Variants in SPAG16 observed in about 807,000 individuals in gnomAD.
SPAG16 encodes sperm associated antigen 16.
In SPAG16, 86 loss-of-function variants were observed where a neutral mutation model predicts 80.4. The observed-to-expected ratio is 1.07, with a 90% CI of 0.90 to 1.28. The LOEUF (loss-of-function observed/expected upper bound fraction) is 1.28, where lower values mean the gene tolerates loss of function less well. Ranked by LOEUF, SPAG16 falls within the 50% of genes most tolerant of loss-of-function variation. The pLI is 0.00. For synonymous variants in SPAG16, 294 were observed against 265.9 expected (o/e 1.11, Z -1.03); for missense variants, 870 against 765.3 (o/e 1.14, Z -1.61).
intron 10 of SPAG16, among the ~76,000 whole-genome samples, chr2:213,533,545 C>T (rs538430287): frequency 2.6e-5 from 4 of 152,176 alleles, no homozygotes; most frequent in South Asian, 2.1e-4. Flanking sequence ...TGTTGTGAAC[C>T]GAATGGTACC....
At chr2:213,590,899 C>T (rs1170958248) in intron 10 of SPAG16, among the ~76,000 whole-genome samples, 1 of 152,126 alleles carries the variant, frequency 6.6e-6, no homozygotes, top group Non-Finnish European at 1.5e-5. Flanking sequence ...GGAATCAACT[C>T]AGCTACTCAT....
chr2:213,306,831 G>A (rs1273773086), intron 3 of SPAG16, among the ~76,000 whole-genome samples: 1 of 152,196 alleles, frequency 6.6e-6, no homozygotes, highest in Non-Finnish European at 1.5e-5. Context: ...AGGGGATGGG[G>A]GAGGTGTGGT....
At chr2:213,817,501 A>G (rs989754434) in intron 10 of SPAG16, among the ~76,000 whole-genome samples, 1 of 152,002 alleles carries the variant, frequency 6.6e-6, no homozygotes, top group African/African-American at 2.4e-5. Flanking sequence ...AAGGAAAATA[A>G]ACTGTTCTAC....
intron 14 of SPAG16, among the ~76,000 whole-genome samples, chr2:214,131,651 A>G (rs1447246636): frequency 6.6e-6 from 1 of 152,120 alleles, no homozygotes; most frequent in African/African-American, 2.4e-5. Flanking sequence ...CTATTAAGCC[A>G]TGAAAAGAGA....
At chr2:213,852,649 G>T (rs2074965126) in intron 10 of SPAG16, among the ~76,000 whole-genome samples, 1 of 152,128 alleles carries the variant, frequency 6.6e-6, no homozygotes, top group South Asian at 2.1e-4. Flanking sequence ...TCTGGTCTCA[G>T]CTAGGAGGTC....
At chr2:213,959,879 A>G (rs2044328863) in intron 12 of SPAG16, among the ~76,000 whole-genome samples, 1 of 152,176 alleles carries the variant, frequency 6.6e-6, no homozygotes, top group Non-Finnish European at 1.5e-5. Context: ...TTGGTTTATG[A>G]GTGCTCTCCA....
intron 12 of SPAG16, among the ~76,000 whole-genome samples, chr2:213,973,034 G>A (rs569867165): frequency 6.6e-6 from 1 of 152,260 alleles, no homozygotes; most frequent in Non-Finnish European, 1.5e-5. Flanking sequence ...TTAATTCTGT[G>A]CTGGGTCACT....
At chr2:213,855,774 C>G (rs141806737) in intron 10 of SPAG16, among the ~76,000 whole-genome samples, 2,174 of 152,242 alleles carry the variant, frequency 0.014, 23 homozygotes, top group Middle Eastern at 0.027. Flanking sequence ...TTACTGTCAT[C>G]AGAACAACAT....
At position 214,401,083 on chromosome 2, in the gene SPAG16, A is replaced by G. The variant is rs1423102303; in HGVS notation, c.1721-9057A>G. On this transcript the variant is annotated intron_variant, in intron 15 of 15. Transcript: ENST00000331683. ...GAAATGCATTGATCAGCAGTAAGGT[A>G]CAAAATAAACTAAATCACATTTCAT... Among the ~76,000 whole-genome samples the G allele has an allele frequency of 2.0e-5, 3 of 152,136 alleles. No homozygotes were observed. In the East Asian group the frequency reaches 5.8e-4, roughly 29 times the overall value.
intron 12 of SPAG16, among the ~76,000 whole-genome samples, chr2:214,011,029 G>A (rs149614736): frequency 6.2e-5 from 9 of 144,994 alleles, no homozygotes; most frequent in South Asian, 2.2e-4. Flanking sequence ...AAGTATCTAC[G>A]TGACTTTCAG....
chr2:214,174,537 A>C (rs183461455), intron 15 of SPAG16, among the ~76,000 whole-genome samples: 374 of 151,836 alleles, frequency 2.5e-3, no homozygotes, highest in Non-Finnish European at 3.9e-3. Context: ...CGTGAAGAGA[A>C]GTTATTAATG....
At chr2:214,292,087 G>A (rs1433585917) in intron 15 of SPAG16, among the ~76,000 whole-genome samples, 1 of 152,128 alleles carries the variant, frequency 6.6e-6, no homozygotes, top group African/African-American at 2.4e-5. Context: ...ATTTTCTCCT[G>A]GCCTAACAGG....
chr2:213,395,251 GTCT>G (rs2067972461), intron 9 of SPAG16, among the ~76,000 whole-genome samples: 1 of 151,262 alleles, frequency 6.6e-6, no homozygotes, highest in African/African-American at 2.4e-5. Flanking sequence ...TTTATTTCCT[GTCT>G]TCTTCTAGCT....
intron 9 of SPAG16, among the ~76,000 whole-genome samples, chr2:213,468,480 G>GAT (rs1187436292): frequency 9.0e-5 from 9 of 100,494 alleles, no homozygotes; most frequent in African/African-American, 3.3e-4. Flanking sequence ...TTTATATATA[G>GAT]ATATATATAT....
At chr2:214,233,129 AG>A (rs1345191381) in intron 15 of SPAG16, among the ~76,000 whole-genome samples, 1 of 151,964 alleles carries the variant, frequency 6.6e-6, no homozygotes, top group Admixed American at 6.6e-5. Context: ...AGTCAAAAAA[AG>A]GGGGGGCCAT....
At chr2:213,554,058 T>C (rs10176975) in intron 10 of SPAG16, among the ~76,000 whole-genome samples, 3,917 of 152,210 alleles carry the variant, frequency 0.026, 163 homozygotes, top group African/African-American at 0.088. Flanking sequence ...CTCCATCAGA[T>C]ACCAGTACCA....
At chr2:214,144,333 C>T (rs181647534) in intron 14 of SPAG16, among the ~76,000 whole-genome samples, 38 of 152,070 alleles carry the variant, frequency 2.5e-4, no homozygotes, top group Middle Eastern at 3.4e-3. Context: ...TAATAAATGA[C>T]GTAACTCCCC....
chr2:213,738,188 C>A (rs1454463848), intron 10 of SPAG16, among the ~76,000 whole-genome samples: 3 of 152,052 alleles, frequency 2.0e-5, no homozygotes, highest in Non-Finnish European at 4.4e-5. Flanking sequence ...TTTTGTAGAG[C>A]CAGTATAGTT....
chr2:213,776,831 C>CCG (rs1559460179), intron 10 of SPAG16, among the ~76,000 whole-genome samples: 1 of 118,834 alleles, frequency 8.4e-6, no homozygotes, highest in East Asian at 3.2e-4. Context: ...ATGCCACCCC[C>CCG]CCCCCACCCC....
Sources: allele counts gnomAD v4.1 joint callset (sites outside exome capture counted in the v4.1 genomes callset), GRCh38; gene constraint gnomAD v4.1.1; transcripts MANE v1.5; gene names NCBI Gene and HGNC (gene_info 2026-07-23, HGNC 2026-07-21).